The following PCDHA8 variants were observed in gnomAD, a reference collection of about 807,000 sequenced individuals.
PCDHA8 encodes the protein protocadherin alpha-8.
A neutral mutation model predicts 61.8 loss-of-function variants in PCDHA8; 53 were observed. The ratio of observed to expected loss-of-function variants is 0.86; its 90% CI spans 0.69 to 1.08. The LOEUF (loss-of-function observed/expected upper bound fraction) is 1.08. PCDHA8 is among the 50% of genes least tolerant of loss of function. The probability of loss-of-function intolerance (pLI) is 0.00; values close to 1 mark genes in which losing one functional copy is unlikely to be tolerated. For missense variants in PCDHA8, 1,293 were observed against 1,245.0 expected, an observed-to-expected ratio of 1.04 and a Z score of -0.58; for synonymous variants, 618 against 556.6, an observed-to-expected ratio of 1.11 and a Z score of -1.55.
At chr5:140,858,604 A>AT (rs2045515312) in intron 1 of PCDHA8, 6 of 1,276,560 alleles carry the variant, frequency 4.7e-6, no homozygotes, top group Non-Finnish European at 4.3e-6. Context: ...GAGTTTTAAA[A>AT]TTTTTTTATC....
At chr5:140,914,228 C>T (rs2076644066) in intron 1 of PCDHA8, among the ~76,000 whole-genome samples, 1 of 152,084 alleles carries the variant, frequency 6.6e-6, no homozygotes, top group Admixed American at 6.6e-5. Flanking sequence ...AGCTCTAATA[C>T]TATTTGCTTT....
intron 1 of PCDHA8, chr5:140,884,397 T>C: frequency 6.2e-7 from 1 of 1,613,992 alleles, no homozygotes; most frequent in South Asian, 1.1e-5. Flanking sequence ...GTGTCCAGCC[T>C]GTTGGTGCTC....
At chr5:140,964,062 C>T (rs1257577051) in intron 1 of PCDHA8, among the ~76,000 whole-genome samples, 1 of 152,124 alleles carries the variant, frequency 6.6e-6, no homozygotes, top group Middle Eastern at 3.2e-3. Flanking sequence ...GTGGTCAAGG[C>T]ATTAGTGTTA....
At chr5:140,887,249 A>AC (rs1367463344) in intron 1 of PCDHA8, among the ~76,000 whole-genome samples, 3 of 151,838 alleles carry the variant, frequency 2.0e-5, no homozygotes, top group Non-Finnish European at 4.4e-5. Context: ...GGCGCCCGCC[A>AC]CCACGCCCTG....
intron 1 of PCDHA8, among the ~76,000 whole-genome samples, chr5:140,895,233 A>G (rs2064923914): frequency 3.3e-5 from 5 of 152,070 alleles, no homozygotes; most frequent in Admixed American, 2.6e-4. Context: ...GAGTTTTCTC[A>G]TCTCTCTTTT....
intron 1 of PCDHA8, among the ~76,000 whole-genome samples, chr5:140,872,937 A>C (rs2053993403): frequency 6.6e-6 from 1 of 152,034 alleles, no homozygotes; most frequent in South Asian, 2.1e-4. Flanking sequence ...TGTTTTTGAA[A>C]TTTTCTTTCC....
intron 1 of PCDHA8, among the ~76,000 whole-genome samples, chr5:140,945,058 C>A (rs939271004): frequency 1.3e-5 from 2 of 151,996 alleles, no homozygotes; most frequent in Non-Finnish European, 2.9e-5. Flanking sequence ...AAAGAAAACC[C>A]TACAGACTCC....
chr5:141,009,562 C>T, intron 3 of PCDHA8, 65 bp from the exon 4 acceptor site: 7 of 1,571,344 alleles, frequency 4.5e-6, no homozygotes, highest in Non-Finnish European at 6.0e-6. Flanking sequence ...CTGTACTCTA[C>T]CAGCAGTGTG....
intron 1 of PCDHA8, chr5:140,877,758 G>C: frequency 6.2e-7 from 1 of 1,614,190 alleles, no homozygotes; most frequent in Non-Finnish European, 8.5e-7. Context: ...GCTCTGCAGA[G>C]AGCCCGCCCA....
At chr5:140,892,363 G>T (rs1485881453) in intron 1 of PCDHA8, among the ~76,000 whole-genome samples, 1 of 152,120 alleles carries the variant, frequency 6.6e-6, no homozygotes, top group African/African-American at 2.4e-5. Context: ...CAGGCATCTT[G>T]GGGCACTAGC....
At chr5:140,915,732 G>A (rs1454734995) in intron 1 of PCDHA8, among the ~76,000 whole-genome samples, 2 of 151,870 alleles carry the variant, frequency 1.3e-5, no homozygotes, top group East Asian at 3.9e-4. Flanking sequence ...ATTGTGCTGG[G>A]TCAGACCTAT....
chr5:140,983,806 G>T (rs981942088), intron 3 of PCDHA8, among the ~76,000 whole-genome samples: 1 of 152,110 alleles, frequency 6.6e-6, no homozygotes, highest in Non-Finnish European at 1.5e-5. Flanking sequence ...GTGTGTAAAA[G>T]GTTTTTTCCC....
rs10076265 is a variant in PCDHA8 at position 140,884,506 on chromosome 5, G to A, written c.2394+40791G>A. 61 of 1,614,172 alleles carry A rather than the reference G, an allele frequency of 3.8e-5. No homozygotes were observed. In the South Asian group the frequency reaches 5.9e-4, roughly 16 times the overall value. ...CTCTAGTGTGCTCCAGCGCGGCAGG[G>A]AGTTGGTCGTACTCGCAGCAGAGGC... On this transcript the variant is annotated intron_variant, in intron 1 of 3. Transcript: ENST00000531613.
At chr5:140,966,622 G>C in intron 1 of PCDHA8, 1 of 854,486 alleles carries the variant, frequency 1.2e-6, no homozygotes, top group Non-Finnish European at 1.6e-6. Flanking sequence ...TACGGAGGGA[G>C]CGGCCCCAGG....
chr5:140,974,394 A>G (rs1554236015), intron 1 of PCDHA8, among the ~76,000 whole-genome samples: 1 of 152,212 alleles, frequency 6.6e-6, no homozygotes, highest in Non-Finnish European at 1.5e-5. Context: ...CCCATTAGGT[A>G]TGTTCTAAAG....
At chr5:140,875,254 T>A in intron 1 of PCDHA8, 1 of 1,054,680 alleles carries the variant, frequency 9.5e-7, no homozygotes, top group Non-Finnish European at 1.3e-6. Context: ...ATCAGTCACA[T>A]GATGTCGCTC....
chr5:140,842,929 C>A lies in PCDHA8; in HGVS notation c.1608C>A (p.Ser536Arg), dbSNP rs2150347942. 3.8e-6 allele frequency: 6 copies of A among 1,594,270 alleles called. 1 individual carries two copies. The highest frequency in any genetic ancestry group is 5.1e-6 in the Non-Finnish European group (6 of 1,165,428). Residue 536 changes from serine (S) to arginine (R), a missense_variant, in exon 1 of 4, where the codon AGC becomes AGA. Physicochemically the swap from Ser to Arg is moderately radical, Grantham distance 110. Coordinates refer to ENST00000531613, the MANE Select transcript of PCDHA8 (RefSeq NM_018911.3). ...TAGAGCTGCTGCAGTTCCAGGTGAGCGCGCGCGACGCGGGCGTGCCGCCTC... is the reference window on the plus strand; with the variant it reads ...TAGAGCTGCTGCAGTTCCAGGTGAGAGCGCGCGACGCGGGCGTGCCGCCTC... ...EELELLQFQVSARDAGVPPLG... is the reference protein window; with the variant it reads ...EELELLQFQVRARDAGVPPLG...
At chr5:140,882,556 T>C (rs367760301) in intron 1 of PCDHA8, 103 of 1,614,070 alleles carry the variant, frequency 6.4e-5, no homozygotes, top group African/African-American at 9.3e-5. Flanking sequence ...AGGAGCTGTG[T>C]GGGCGGAGCG....
intron 1 of PCDHA8, among the ~76,000 whole-genome samples, chr5:140,952,680 G>A (rs1013469820): frequency 6.6e-6 from 1 of 152,128 alleles, no homozygotes; most frequent in Middle Eastern, 3.2e-3. Flanking sequence ...CACATTTTCA[G>A]GATCTTTATA....
Sources: gnomAD v4.1 joint callset for allele counts (sites outside exome capture counted in the v4.1 genomes callset) on GRCh38, gnomAD v4.1.1 for gene constraint, MANE v1.5 for transcripts, NCBI Gene and HGNC (gene_info 2026-07-23, HGNC 2026-07-21) for gene names.